The following DIP2C variants were observed in gnomAD, a reference collection of about 807,000 sequenced individuals.
DIP2C encodes the protein disco-interacting protein 2 homolog C.
Under a neutral mutation model 192.4 loss-of-function variants are expected in DIP2C, and 33 were observed. The observed-to-expected ratio is 0.17, with a 90% CI of 0.13 to 0.23. The LOEUF is 0.23. DIP2C is among the 10% of genes least tolerant of loss of function. DIP2C has a pLI of 1.00. For missense variants in DIP2C, 1,537 were observed against 2,110.1 expected (o/e 0.73, Z 5.32); for synonymous variants, 979 against 864.1 (o/e 1.13, Z -2.33).
intron 1 of DIP2C, among the ~76,000 whole-genome samples, chr10:631,857 T>G (rs1254869400): frequency 1.3e-5 from 2 of 152,230 alleles, no homozygotes; most frequent in Non-Finnish European, 2.9e-5. Context: ...ACCTGAATAT[T>G]TTAATAAAAT....
chr10:449,920 CAAAAAAAA>C (rs59135780), intron 3 of DIP2C, among the ~76,000 whole-genome samples: 13 of 135,928 alleles, frequency 9.6e-5, no homozygotes, highest in Admixed American at 9.2e-4. Flanking sequence ...TCAACAACAA[CAAAAAAAA>C]AAAAAAAAGA....
intron 14 of DIP2C, among the ~76,000 whole-genome samples, chr10:386,822 G>C (rs1962974004): frequency 6.6e-6 from 1 of 152,178 alleles, no homozygotes; most frequent in African/African-American, 2.4e-5. Context: ...AGAAAAATGA[G>C]TGAAAATTAC....
chr10:631,462 C>T (rs545488472), intron 1 of DIP2C, among the ~76,000 whole-genome samples: 45 of 152,306 alleles, frequency 3.0e-4, no homozygotes, highest in African/African-American at 9.4e-4. Flanking sequence ...CCTGTGGCCA[C>T]GTCTGACATG....
chr10:290,294 C>T (rs540865531), intron 32 of DIP2C, among the ~76,000 whole-genome samples: 49 of 152,328 alleles, frequency 3.2e-4, no homozygotes, highest in African/African-American at 1.2e-3. Flanking sequence ...GGCTTGATGA[C>T]GCTAACCTCC....
At chr10:628,853 T>A (rs987175192) in intron 1 of DIP2C, 17 of 152,244 alleles carry the variant, frequency 1.1e-4, no homozygotes, top group African/African-American at 3.6e-4. Context: ...TGGAAGGGCA[T>A]CCCTGACACT....
At chr10:478,616 C>T (rs898622008) in intron 2 of DIP2C, among the ~76,000 whole-genome samples, 1 of 148,530 alleles carries the variant, frequency 6.7e-6, no homozygotes, top group African/African-American at 2.5e-5. Flanking sequence ...GCAGACACAT[C>T]CAAATTCCCA....
In DIP2C at chr10:275,443, T is replaced by C. The variant is rs1308104933; in HGVS notation, c.*1882A>G. Reference sequence around the variant, plus strand: ...TGGAGATGGAAGGATGCACCACATATGCAGACACATTTTTTTAAATGTGCC... The same window carrying C: ...TGGAGATGGAAGGATGCACCACATACGCAGACACATTTTTTTAAATGTGCC... On this transcript the variant is annotated 3_prime_UTR_variant, in exon 37 of 37. Transcript: ENST00000280886. 1 of 150,254 alleles carries C rather than the reference T, an allele frequency of 6.7e-6. No individual in the cohort carries two copies. The highest frequency in any genetic ancestry group is 1.5e-5 in the Non-Finnish European group (1 of 67,880). The allele number at this position is 150,254 out of a possible 1,614,324, so 9.3% of individuals were successfully genotyped here.
chr10:477,290 C>A (rs145754643), intron 2 of DIP2C, among the ~76,000 whole-genome samples: 2 of 37,014 alleles, frequency 5.4e-5, no homozygotes, highest in Non-Finnish European at 9.1e-5. Context: ...AAGGAAGAGA[C>A]GGGAGGAAGG....
chr10:414,741 A>T (rs11252281), intron 7 of DIP2C, among the ~76,000 whole-genome samples: 1,738 of 62,776 alleles, frequency 0.028, 100 homozygotes, highest in Middle Eastern at 0.062. Context: ...GTGTGTGTGT[A>T]CATATATATA....
At chr10:521,439 C>T (rs574502259) in intron 1 of DIP2C, among the ~76,000 whole-genome samples, 1 of 152,304 alleles carries the variant, frequency 6.6e-6, no homozygotes, top group South Asian at 2.1e-4. Flanking sequence ...TCATCCCTGC[C>T]TGCCCCCAGG....
At chr10:669,860 A>C (rs1588733307) in intron 1 of DIP2C, among the ~76,000 whole-genome samples, 2 of 152,374 alleles carry the variant, frequency 1.3e-5, no homozygotes, top group Non-Finnish European at 2.9e-5. Flanking sequence ...TGTTTATAAG[A>C]AAGTTCAATG....
rs951231902 is a variant in DIP2C at position 689,328 on chromosome 10, G to A, written c.85+166C>T. On this transcript the variant is annotated intron_variant, in intron 1 of 36. Transcript: ENST00000280886. The surrounding 1 kb of genome is among the most constrained non-coding windows in gnomAD (Gnocchi z 6.1). ...GATCGCGGCCTCACAAACGTCCCTA[G>A]GGCGCGGGGTCTGGGGGTCCGGGGG... Among the ~76,000 whole-genome samples the A allele has an allele frequency of 6.6e-6, 1 of 151,498 alleles. No homozygotes were observed. Among genetic ancestry groups the A allele is most frequent in the African/African-American group, 2.4e-5 (1 of 41,312 alleles).
At chr10:529,923 G>A (rs902283418) in intron 1 of DIP2C, among the ~76,000 whole-genome samples, 5 of 152,220 alleles carry the variant, frequency 3.3e-5, no homozygotes, top group African/African-American at 1.2e-4. Flanking sequence ...GGGACCAACA[G>A]GCAAGTTTCA....
rs371270163 is a variant in DIP2C at position 649,106 on chromosome 10, C to T, written c.85+40388G>A. ...AAACTGAGTCCACGTCCACATTGGACGGTGGGAGAGAACAGAGCGAAACTT... is the reference window on the plus strand; with the variant it reads ...AAACTGAGTCCACGTCCACATTGGATGGTGGGAGAGAACAGAGCGAAACTT... On this transcript the variant is annotated intron_variant, in intron 1 of 36. Transcript: ENST00000280886. Among the ~76,000 whole-genome samples the T allele has an allele frequency of 6.3e-4, 77 of 121,266 alleles. No individual in the cohort carries two copies. The East Asian group carries it at 0.01, about 16-fold the overall frequency. The allele number at this position is 121,266 out of a possible 152,430, so 79.6% of individuals were successfully genotyped here. A position where few individuals can be genotyped will look rare whatever the true frequency, so the allele number is the denominator to read the frequency against.
rs1221892341 is a variant in DIP2C at position 277,357 on chromosome 10, G to A, written c.4639C>T (p.Leu1547=). The A allele has an allele frequency of 3.7e-6, 6 of 1,614,058 alleles. No homozygotes were observed. The highest frequency in any genetic ancestry group is 1.3e-5 in the African/African-American group (1 of 74,918). ...HLRDGFLADQ[L]DPIYVAYNM is the part of the protein sequence containing the mutation. ...TTGTAGGCCACATAGATGGGGTCTA[G>A]CTGGTCTGCCAAAAACCCGTCTCGC... The change falls in exon 37 of 37, where the codon CTA becomes TTA. Residue 1547 remains leucine (L), a synonymous_variant. Coordinates refer to ENST00000280886, the MANE Select transcript of DIP2C (RefSeq NM_014974.3).
intron 4 of DIP2C, among the ~76,000 whole-genome samples, chr10:424,926 A>G (rs544318790): frequency 2.0e-5 from 3 of 152,018 alleles, no homozygotes; most frequent in South Asian, 4.2e-4. Context: ...GATACAGCAT[A>G]ACCAACGGTG....
At chr10:543,318 C>T (rs576495064) in intron 1 of DIP2C, among the ~76,000 whole-genome samples, 3 of 152,362 alleles carry the variant, frequency 2.0e-5, no homozygotes, top group South Asian at 2.1e-4. Flanking sequence ...ATTTCAGTAG[C>T]GAGAACGTAC....
intron 4 of DIP2C, among the ~76,000 whole-genome samples, chr10:439,817 A>C (rs867700465): frequency 2.0e-5 from 3 of 152,186 alleles, no homozygotes; most frequent in African/African-American, 4.8e-5. Flanking sequence ...AGACCAAGCT[A>C]AACTTCAAAA....
intron 1 of DIP2C, among the ~76,000 whole-genome samples, chr10:507,540 G>C (rs185509768): frequency 6.6e-6 from 1 of 152,320 alleles, no homozygotes; most frequent in Non-Finnish European, 1.5e-5. Flanking sequence ...TGTCCAATCA[G>C]AGGCGTGCGA....
Sources: allele counts gnomAD v4.1 joint callset (sites outside exome capture counted in the v4.1 genomes callset), GRCh38; gene constraint gnomAD v4.1.1; non-coding constraint Gnocchi (gnomAD v3.1); transcripts MANE v1.5; gene names NCBI Gene and HGNC (gene_info 2026-07-23, HGNC 2026-07-21).